THSD7A: variants seen among roughly 807,000 people sequenced by gnomAD.
The protein encoded by THSD7A is thrombospondin type 1 domain containing 7A.
Under a neutral mutation model 231.3 loss-of-function variants are expected in THSD7A, and 96 were observed. That is an observed-to-expected ratio of 0.41 (90% CI 0.35 to 0.49). The LOEUF (loss-of-function observed/expected upper bound fraction) is 0.49, where lower values mean the gene tolerates loss of function less well. Among genes scored for constraint, THSD7A ranks in the 20% least tolerant of loss-of-function variants. THSD7A has a pLI of 0.05. For missense variants in THSD7A, 2,290 were observed against 2,070.2 expected, an observed-to-expected ratio of 1.11 and a Z score of -2.06; for synonymous variants, 940 against 743.3, an observed-to-expected ratio of 1.26 and a Z score of -4.30.
chr7:11,611,831 C>CACTA (rs61131190), intron 2 of THSD7A, among the ~76,000 whole-genome samples: 1 of 137,826 alleles, frequency 7.3e-6, no homozygotes, highest in African/African-American at 2.7e-5. Flanking sequence ...CACACACACA[C>CACTA]TATCATCTGT....
chr7:11,585,813 A>C (rs535492442), intron 4 of THSD7A, among the ~76,000 whole-genome samples: 56 of 152,210 alleles, frequency 3.7e-4, no homozygotes, highest in Non-Finnish European at 5.4e-4. Flanking sequence ...TAGACATGCC[A>C]ATTCACCTGA....
intron 4 of THSD7A, among the ~76,000 whole-genome samples, chr7:11,568,926 T>C (rs1282489694): frequency 1.3e-5 from 2 of 150,480 alleles, no homozygotes; most frequent in African/African-American, 4.9e-5. Flanking sequence ...GGCTTTTCTA[T>C]ACATCAAAAT....
intron 5 of THSD7A, among the ~76,000 whole-genome samples, chr7:11,542,271 AGTGT>A (rs1210976916): frequency 6.6e-6 from 1 of 152,196 alleles, no homozygotes; most frequent in Non-Finnish European, 1.5e-5. Context: ...CCTTCATGAG[AGTGT>A]GTAACAAAAT....
chr7:11,543,791 T>C (rs946553971), intron 4 of THSD7A, among the ~76,000 whole-genome samples: 9 of 151,708 alleles, frequency 5.9e-5, no homozygotes, highest in Non-Finnish European at 1.0e-4. Flanking sequence ...AAACTGTGGA[T>C]AAATGTTGCT....
At chr7:11,387,011 A>G (rs556616434) in intron 23 of THSD7A, among the ~76,000 whole-genome samples, 1 of 152,312 alleles carries the variant, frequency 6.6e-6, no homozygotes, top group South Asian at 2.1e-4. Context: ...GTCAAAGGTC[A>G]GATGGTTGTA....
chr7:11,480,693 T>A (rs553266478), intron 7 of THSD7A, among the ~76,000 whole-genome samples: 75 of 152,284 alleles, frequency 4.9e-4, no homozygotes, highest in African/African-American at 1.7e-3. Context: ...GTTTTACGCA[T>A]GTAACACTCA....
chr7:11,717,890 G>A (rs1480772737), intron 1 of THSD7A, among the ~76,000 whole-genome samples: 2 of 151,452 alleles, frequency 1.3e-5, no homozygotes, highest in Non-Finnish European at 3.0e-5. Flanking sequence ...GATATTTTTT[G>A]TAAAGGGCTT....
chr7:11,582,928 T>G (rs76929995), intron 4 of THSD7A, among the ~76,000 whole-genome samples: 7 of 81,130 alleles, frequency 8.6e-5, no homozygotes, highest in Admixed American at 1.1e-4. Context: ...TATATCTGTG[T>G]TTTTTTTTAC....
chr7:11,710,605 G>A (rs1780922052), intron 1 of THSD7A, among the ~76,000 whole-genome samples: 1 of 150,856 alleles, frequency 6.6e-6, no homozygotes, highest in Admixed American at 6.6e-5. Flanking sequence ...CACTTCTTGA[G>A]TTCTAATGCA....
chr7:11,662,785 G>A (rs986849815), intron 1 of THSD7A, among the ~76,000 whole-genome samples: 1 of 151,288 alleles, frequency 6.6e-6, no homozygotes, highest in East Asian at 1.9e-4. Context: ...TGTTTTGAGT[G>A]ACTAAAATTA....
chr7:11,730,377 C>T (rs900832045), intron 1 of THSD7A, among the ~76,000 whole-genome samples: 7 of 151,440 alleles, frequency 4.6e-5, no homozygotes, highest in Non-Finnish European at 1.5e-5. Flanking sequence ...ACTGAATGCA[C>T]TCTGAACTTC....
intron 1 of THSD7A, among the ~76,000 whole-genome samples, chr7:11,788,755 G>A (rs899048785): frequency 6.6e-6 from 1 of 151,926 alleles, no homozygotes; most frequent in African/African-American, 2.4e-5. Flanking sequence ...TCTGTGACTC[G>A]ATTTTATTAT....
intron 1 of THSD7A, among the ~76,000 whole-genome samples, chr7:11,721,195 G>T (rs190749758): frequency 7.9e-4 from 120 of 151,746 alleles, no homozygotes; most frequent in South Asian, 2.9e-3. Context: ...TTGGGTCATG[G>T]CCCTGCATTC....
At chr7:11,543,601 G>C (rs1789245377) in intron 4 of THSD7A, among the ~76,000 whole-genome samples, 1 of 152,146 alleles carries the variant, frequency 6.6e-6, no homozygotes, top group Admixed American at 6.5e-5. Flanking sequence ...AGAGGTAGCA[G>C]GTGAGATGAA....
chr7:11,802,300 T>C (rs6950194), intron 1 of THSD7A, among the ~76,000 whole-genome samples: 6,247 of 152,246 alleles, frequency 0.041, 439 homozygotes, highest in African/African-American at 0.14. Context: ...CCTACTATAC[T>C]ATTTAATTAA....
intron 2 of THSD7A, among the ~76,000 whole-genome samples, chr7:11,614,236 T>A (rs938315362): frequency 3.3e-5 from 5 of 152,194 alleles, no homozygotes; most frequent in African/African-American, 1.2e-4. Flanking sequence ...ACTATAACTC[T>A]GGACATCCTG....
chr7:11,767,434 C>T (rs1783063759), intron 1 of THSD7A, among the ~76,000 whole-genome samples: 1 of 152,156 alleles, frequency 6.6e-6, no homozygotes, highest in Non-Finnish European at 1.5e-5. Context: ...TGCCTGTTCC[C>T]TTAGCCAGGA....
intron 6 of THSD7A, among the ~76,000 whole-genome samples, chr7:11,499,462 A>T (rs539760462): frequency 6.6e-6 from 1 of 152,336 alleles, no homozygotes; most frequent in Non-Finnish European, 1.5e-5. Context: ...AGTTGTTCTT[A>T]ACCAGACTCA....
chr7:11,459,724 T>C (rs1046730367), intron 11 of THSD7A, among the ~76,000 whole-genome samples: 11 of 136,262 alleles, frequency 8.1e-5, no homozygotes, highest in Admixed American at 1.6e-4. Flanking sequence ...CATTTTTTTC[T>C]TAAAAAGGCA....
Sources: gnomAD v4.1 joint callset for allele counts (sites outside exome capture counted in the v4.1 genomes callset) on GRCh38, gnomAD v4.1.1 for gene constraint, MANE v1.5 for transcripts, NCBI Gene and HGNC (gene_info 2026-07-23, HGNC 2026-07-21) for gene names.